IGSF6: variants seen among roughly 807,000 people sequenced by gnomAD.
IGSF6 encodes the protein immunoglobulin superfamily member 6, also known as down-regulated by activation (immunoglobulin superfamily).
A neutral mutation model predicts 24.7 loss-of-function variants in IGSF6; 23 were observed. The observed-to-expected ratio is 0.93, with a 90% confidence interval of 0.67 to 1.32. The LOEUF (loss-of-function observed/expected upper bound fraction) is 1.32. IGSF6 is among the 40% of genes most tolerant of loss of function. IGSF6 has a pLI of 0.00. For missense variants in IGSF6, 295 were observed against 293.6 expected (o/e 1.00, Z -0.04); for synonymous variants, 110 against 113.7 (o/e 0.97, Z 0.21).
chr16:21,650,451 T>C (rs2141623819), intron 1 of IGSF6, among the ~76,000 whole-genome samples: 1 of 143,088 alleles, frequency 7.0e-6, no homozygotes, highest in South Asian at 2.1e-4. Flanking sequence ...GAGGTTGCAG[T>C]GAGCTGAGAT....
chr16:21,647,016 G>A (rs1966445506), intron 2 of IGSF6, 117 bp downstream of exon 2: 2 of 1,333,628 alleles, frequency 1.5e-6, no homozygotes, highest in East Asian at 2.3e-5. Flanking sequence ...ACCCATCACT[G>A]GCTAGGGTAT....
chr16:21,646,754 C>T (rs1597786169), intron 2 of IGSF6: 2 of 309,070 alleles, frequency 6.5e-6, no homozygotes, highest in East Asian at 1.7e-4. Flanking sequence ...TCCTGGGTTA[C>T]AAGCGATTCT....
chr16:21,648,877 T>C (rs1966495370), intron 1 of IGSF6, among the ~76,000 whole-genome samples: 1 of 152,214 alleles, frequency 6.6e-6, no homozygotes, highest in Non-Finnish European at 1.5e-5. Flanking sequence ...AGACAGGGGC[T>C]TTTTTCTCTT....
intron 1 of IGSF6, chr16:21,652,199 T>G (rs1480274688): frequency 2.1e-5 from 4 of 189,392 alleles, no homozygotes; most frequent in African/African-American, 9.3e-5. Context: ...AAATAATCAT[T>G]TATTGCTTTC....
At chr16:21,643,304 T>A in intron 4 of IGSF6, 150 bp from the exon 5 acceptor site, 1 of 650,954 alleles carries the variant, frequency 1.5e-6, no homozygotes, top group Non-Finnish European at 2.7e-6. Flanking sequence ...AACTCTTTTG[T>A]ATTTGAGAAC....
Position 21,650,147 on chromosome 16 carries a change from C to G in IGSF6, c.67+2385G>C, listed in dbSNP as rs1028764609. ...TGGGCAGCATTGTGAGTCCCTGTCT[C>G]TATTAAAGGAATAGAGTCTGGACGT... is the stretch of plus-strand genomic sequence containing the variant. On this transcript the variant is annotated intron_variant, in intron 1 of 5. Coordinates refer to ENST00000268389, the MANE Select transcript of IGSF6 (RefSeq NM_005849.4). Among the ~76,000 whole-genome samples, 4 of 151,822 alleles carry G rather than the reference C, an allele frequency of 2.6e-5. No individual in the cohort carries two copies. In the South Asian group the frequency reaches 8.3e-4, roughly 31 times the overall value.
At chr16:21,641,875 CTTG>C (rs1357065996) in intron 5 of IGSF6, among the ~76,000 whole-genome samples, 3 of 152,124 alleles carry the variant, frequency 2.0e-5, no homozygotes, top group African/African-American at 7.2e-5. Context: ...ATACCTCGGC[CTTG>C]TTGTTGAAAA....
chr16:21,646,945 C>T (rs3091404), intron 2 of IGSF6, 188 bp downstream of exon 2: 271,828 of 718,418 alleles, frequency 0.38, 55,860 homozygotes, highest in Non-Finnish European at 0.44. Context: ...TGAGCCACCA[C>T]GCCCAGCCAG....
intron 1 of IGSF6, 151 bp downstream of exon 1, chr16:21,652,381 C>G (rs1024582552): frequency 3.8e-6 from 2 of 523,360 alleles, no homozygotes; most frequent in Non-Finnish European, 6.6e-6. Flanking sequence ...GTCTATTTCT[C>G]AGGGGAAAAA....
chr16:21,645,187 T>C (rs2141615783), intron 2 of IGSF6, among the ~76,000 whole-genome samples: 1 of 152,320 alleles, frequency 6.6e-6, no homozygotes, highest in Non-Finnish European at 1.5e-5. Context: ...GTGTGATGGC[T>C]CATGCCTGTA....
At chr16:21,650,058 A>AGGCT (rs903815967) in intron 1 of IGSF6, among the ~76,000 whole-genome samples, 1 of 152,088 alleles carries the variant, frequency 6.6e-6, no homozygotes, top group Non-Finnish European at 1.5e-5. Context: ...CTGAGACCGG[A>AGGCT]GGCTGATTGA....
In IGSF6 at chr16:21,645,376, C is replaced by T. The variant is rs369754788; in HGVS notation, c.428-980G>A. 6.6e-5 allele frequency among the ~76,000 whole-genome samples: 10 copies of T among 152,228 alleles called. No individual in the cohort carries two copies. The South Asian group carries it at 1.0e-3, about 16-fold the overall frequency. ...GTTGAGGCAGGAGAATCGCTTGAAC[C>T]CGGAAGGTGGAGGTTGGTTGCAGTG... On this transcript the variant is annotated intron_variant, in intron 2 of 5. Coordinates refer to ENST00000268389, the MANE Select transcript of IGSF6 (RefSeq NM_005849.4).
Position 21,647,432 on chromosome 16 carries a change from G to A in IGSF6, c.128C>T (p.Thr43Ile), listed in dbSNP as rs1966460093. Residue 43 changes from threonine to isoleucine, a missense_variant, in exon 2 of 6, where the codon ACT becomes ATT. Thr to Ile is a moderately conservative substitution (Grantham distance 89). Transcript: ENST00000268389. ...TQPWYLEVDY[T>I]HEAVTIKCTF... The stretch of plus-strand genomic sequence containing the variant: ...ACACTTTATGGTGACGGCCTCATGA[G>A]TGTAGTCCACTTCTAGGTACCACGG... 1.9e-6 allele frequency: 3 copies of A among 1,614,084 alleles called. No individual in the cohort carries two copies. Among genetic ancestry groups the A allele is most frequent in the Non-Finnish European group, 2.5e-6 (3 of 1,180,002 alleles).
At chr16:21,641,735 G>A (rs574055106) in intron 5 of IGSF6, 142 bp from the exon 6 acceptor site, 76 of 473,436 alleles carry the variant, frequency 1.6e-4, no homozygotes, top group Non-Finnish European at 2.4e-4. Flanking sequence ...CCAGATTACC[G>A]TTTTCCCCAT....
In IGSF6 at chr16:21,639,693, A is replaced by G. The variant is rs1396376770; in HGVS notation, c.*1841T>C. 6.6e-6 allele frequency: 1 copy of G among 152,224 alleles called. No individual in the cohort carries two copies. The highest frequency in any genetic ancestry group is 1.5e-5 in the Non-Finnish European group (1 of 68,034). The allele number at this position is 152,224 out of a possible 1,614,324, so 9.4% of individuals were successfully genotyped here. ...ATACAAAACACATGTGGCCCCACACATATACACATGTGCACTCACGTGTAC... is the reference window on the plus strand; with the variant it reads ...ATACAAAACACATGTGGCCCCACACGTATACACATGTGCACTCACGTGTAC... On this transcript the variant is annotated 3_prime_UTR_variant, in exon 6 of 6. Transcript: ENST00000268389.
rs938325492 is a variant in IGSF6, at chr16:21,643,585, G to C, written c.548C>G (p.Pro183Arg). 6.2e-7 allele frequency: 1 copy of C among 1,606,854 alleles called. No individual in the cohort carries two copies. The part of the protein sequence containing the change: ...FILLSKSKSN[P>R]LRNKEIKEDS... ...TTCTTTTATTTCTTTGTTTCTTAGA[G>C]GGTTGGATTTTGACTGCCAAGAAGA... The change falls in exon 4 of 6, where the codon CCT (proline) becomes CGT (arginine). Residue 183 changes from proline to arginine, a missense_variant. By Grantham distance (103) the Pro-to-Arg change is moderately radical. Coordinates refer to ENST00000268389, the MANE Select transcript of IGSF6 (RefSeq NM_005849.4).
At chr16:21,645,595 G>A (rs1047823298) in intron 2 of IGSF6, among the ~76,000 whole-genome samples, 14 of 152,196 alleles carry the variant, frequency 9.2e-5, no homozygotes, top group African/African-American at 3.4e-4. Flanking sequence ...GAAAATAGGA[G>A]TTCTGTAGAA....
At chr16:21,645,209 T>A (rs1218537527) in intron 2 of IGSF6, among the ~76,000 whole-genome samples, 1 of 152,188 alleles carries the variant, frequency 6.6e-6, no homozygotes, top group East Asian at 1.9e-4. Context: ...TCCCAGCACT[T>A]TGAGAGGCCG....
intron 1 of IGSF6, among the ~76,000 whole-genome samples, chr16:21,650,383 C>T (rs1471807021): frequency 6.6e-6 from 1 of 151,808 alleles, no homozygotes; most frequent in African/African-American, 2.4e-5. Flanking sequence ...TGGTGGACGC[C>T]TGTAATCCCA....
Sources: gnomAD v4.1 joint callset for allele counts (sites outside exome capture counted in the v4.1 genomes callset) on GRCh38, gnomAD v4.1.1 for gene constraint, MANE v1.5 for transcripts, NCBI Gene and HGNC (gene_info 2026-07-23, HGNC 2026-07-21) for gene names.